Variants in CDYL observed in about 807,000 individuals in gnomAD.
CDYL encodes the protein chromodomain Y-like protein.
Under a neutral mutation model 47.3 loss-of-function variants are expected in CDYL, and 8 were observed. The ratio of observed to expected loss-of-function variants is 0.17; its 90% CI spans 0.10 to 0.31. The LOEUF is 0.31. Among genes scored for constraint, CDYL ranks in the 10% least tolerant of loss-of-function variants. The pLI is 1.00. For missense variants in CDYL, 471 were observed against 701.4 expected, an observed-to-expected ratio of 0.67 and a Z score of 3.71; for synonymous variants, 266 against 265.0, an observed-to-expected ratio of 1.00 and a Z score of -0.04.
At position 4,885,832 on chromosome 6, in the gene CDYL, C is replaced by T. The variant is rs558760501; in HGVS notation, c.25-5881C>T. 3.9e-5 allele frequency among the ~76,000 whole-genome samples: 6 copies of T among 152,266 alleles called. No individual in the cohort carries two copies. In the South Asian group the frequency reaches 8.3e-4, roughly 21 times the overall value. ...TTAGCATATACAGTTTTGTGTCCGT[C>T]ACCACAGTTGAGTTTTGTACATTTT... On this transcript the variant is annotated intron_variant, in intron 1 of 6. Transcript: ENST00000397588.
chr6:4,822,415 TG>T (rs1239008764), intron 1 of CDYL, among the ~76,000 whole-genome samples: 1 of 151,588 alleles, frequency 6.6e-6, no homozygotes, highest in East Asian at 1.9e-4. Context: ...AAATTTAATC[TG>T]GGGGGAAAAA....
chr6:4,766,895 G>C (rs556459162), intron 3 of CDYL, among the ~76,000 whole-genome samples: 94 of 152,034 alleles, frequency 6.2e-4, no homozygotes, highest in Non-Finnish European at 1.2e-3. Flanking sequence ...CAGCTACTTG[G>C]GGGGAGCTGA....
intron 2 of CDYL, among the ~76,000 whole-genome samples, chr6:4,906,178 A>G (rs1204010436): frequency 6.6e-6 from 1 of 152,132 alleles, no homozygotes; most frequent in East Asian, 1.9e-4. Flanking sequence ...TGAATGGAAA[A>G]CCGGATGGAG....
At chr6:4,772,175 G>A (rs1758347103), upstream of CDYL, among the ~76,000 whole-genome samples, 1 of 152,204 alleles carries the variant, frequency 6.6e-6, no homozygotes, top group African/African-American at 2.4e-5. Flanking sequence ...CACAGCCTAA[G>A]ATGAAATTGG....
At chr6:4,903,470 T>C (rs940813970) in intron 2 of CDYL, among the ~76,000 whole-genome samples, 1 of 152,240 alleles carries the variant, frequency 6.6e-6, no homozygotes, top group African/African-American at 2.4e-5. Flanking sequence ...ATTAGCATTT[T>C]ATTGAAAATT....
chr6:4,828,645 T>A (rs1408802948), intron 1 of CDYL, among the ~76,000 whole-genome samples: 3 of 152,196 alleles, frequency 2.0e-5, no homozygotes, highest in Non-Finnish European at 4.4e-5. Context: ...TTTGGATAAG[T>A]AAATCATGTC....
At chr6:4,935,437 A>G in intron 2 of CDYL, 78 bp from the exon 3 acceptor site, 1 of 1,205,690 alleles carries the variant, frequency 8.3e-7, no homozygotes, top group East Asian at 2.3e-5. Flanking sequence ...GAACATCTTT[A>G]TCCAATTCAA....
chr6:4,710,397 G>GAAGGAAGGAAGGAAGGAAGA (rs1757130369), intron 1 of CDYL, among the ~76,000 whole-genome samples: 1 of 149,496 alleles, frequency 6.7e-6, no homozygotes, highest in Non-Finnish European at 1.5e-5. Context: ...AGGAAGGAAG[G>GAAGGAAGGAAGGAAGGAAGA]AAGGAAACTA....
intron 1 of CDYL, among the ~76,000 whole-genome samples, chr6:4,851,703 C>T (rs1284710117): frequency 5.3e-5 from 8 of 152,220 alleles, no homozygotes; most frequent in Non-Finnish European, 7.3e-5. Flanking sequence ...AAAGTCTTAA[C>T]GCAACAATCC....
intron 1 of CDYL, among the ~76,000 whole-genome samples, chr6:4,829,402 A>T (rs1760070978): frequency 2.0e-5 from 3 of 152,176 alleles, no homozygotes; most frequent in Admixed American, 2.0e-4. Flanking sequence ...GAGCTAAGCA[A>T]ACAAAACAAA....
chr6:4,853,989 T>C (rs1760930309), intron 1 of CDYL, among the ~76,000 whole-genome samples: 1 of 152,254 alleles, frequency 6.6e-6, no homozygotes, highest in Admixed American at 6.5e-5. Flanking sequence ...GAAGGTGTTG[T>C]CCTGATTCTC....
Position 4,721,045 on chromosome 6 carries a change from C to T in CDYL, c.103+5164C>T, listed in dbSNP as rs76286790. On this transcript the variant is annotated intron_variant, in intron 2 of 8. Coordinates refer to the CDYL transcript ENST00000328908. ...ATTTGCCTCTGCCCAGCTGATCTGC[C>T]TCTGAGGAGCTAAAAAATACCAATA... 5.3e-3 allele frequency among the ~76,000 whole-genome samples: 810 copies of T among 151,924 alleles called. 10 individuals carry two copies. The highest frequency in any genetic ancestry group is 0.018 in the African/African-American group (743 of 41,394).
chr6:4,916,612 G>A (rs1367467902), intron 2 of CDYL, among the ~76,000 whole-genome samples: 2 of 152,130 alleles, frequency 1.3e-5, no homozygotes, highest in Admixed American at 6.5e-5. Context: ...GTATCGGGGG[G>A]GGGCGGGCAG....
At chr6:4,952,482 T>G in intron 6 of CDYL, 73 bp downstream of exon 6, 1 of 1,513,640 alleles carries the variant, frequency 6.6e-7, no homozygotes, top group Admixed American at 2.0e-5. Context: ...GCTCACAAAT[T>G]TGCAATTATT....
At chr6:4,891,597 A>G in intron 1 of CDYL, 116 bp from the exon 2 acceptor site, 2 of 767,852 alleles carry the variant, frequency 2.6e-6, no homozygotes, top group South Asian at 3.8e-5. Context: ...GTTGCAGAAG[A>G]GATCATTTTA....
At chr6:4,816,817 A>G (rs954314410) in intron 1 of CDYL, among the ~76,000 whole-genome samples, 10 of 152,130 alleles carry the variant, frequency 6.6e-5, no homozygotes, top group African/African-American at 2.4e-4. Flanking sequence ...TGAGCAAAAA[A>G]TTGGTCTGAT....
intron 2 of CDYL, among the ~76,000 whole-genome samples, chr6:4,909,574 T>G (rs992401172): frequency 1.3e-5 from 2 of 152,102 alleles, no homozygotes; most frequent in African/African-American, 2.4e-5. Flanking sequence ...TCATACTTTT[T>G]TTTGTTTGTT....
intron 1 of CDYL, among the ~76,000 whole-genome samples, chr6:4,865,829 T>C (rs980967844): frequency 2.0e-5 from 3 of 152,200 alleles, no homozygotes; most frequent in South Asian, 2.1e-4. Flanking sequence ...TAATTTTAGA[T>C]CTCTAGTCAG....
At chr6:4,756,580 A>ATGTGTGTGTGTGTGTGTGTG (rs4053260) in intron 3 of CDYL, among the ~76,000 whole-genome samples, 6 of 142,812 alleles carry the variant, frequency 4.2e-5, no homozygotes, top group African/African-American at 1.5e-4. Flanking sequence ...TATCGTGTGT[A>ATGTGTGTGTGTGTGTGTGTG]TGTGTGTGTG....
Sources: allele counts gnomAD v4.1 joint callset (sites outside exome capture counted in the v4.1 genomes callset), GRCh38; gene constraint gnomAD v4.1.1; transcripts MANE v1.5; gene names NCBI Gene and HGNC (gene_info 2026-07-23, HGNC 2026-07-21).